RAB20: variants seen among roughly 807,000 people sequenced by gnomAD.
RAB20 encodes the protein RAB20, member RAS oncogene family.
Under a neutral mutation model 3.7 loss-of-function variants are expected in RAB20, and 2 were observed. The observed-to-expected ratio is 0.54, with a 90% CI of 0.22 to 1.69. The LOEUF is 1.69. Ranked by LOEUF, RAB20 falls within the 40% of genes most tolerant of loss-of-function variation. RAB20 has a pLI of 0.19. For synonymous variants in RAB20, 126 were observed against 130.8 expected (o/e 0.96, Z 0.25); for missense variants, 276 against 311.9 (o/e 0.88, Z 0.87).
At chr13:110,552,122 T>C (rs546278632) in intron 1 of RAB20, among the ~76,000 whole-genome samples, 1 of 152,228 alleles carries the variant, frequency 6.6e-6, no homozygotes, top group Non-Finnish European at 1.5e-5. Flanking sequence ...CTCACGCCTG[T>C]AATCCCAACA....
rs750120104 is a variant in RAB20, at chr13:110,561,371, T to C, written c.149A>G (p.Asn50Ser). The C allele has an allele frequency of 1.2e-6, 2 of 1,607,944 alleles. No individual in the cohort carries two copies. The highest frequency in any genetic ancestry group is 3.4e-5 in the Admixed American group (2 of 59,592). Residue 50 changes from asparagine (N) to serine (S), a missense_variant, in exon 1 of 2, where the codon AAC becomes AGC. Transcript: ENST00000267328. The part of the protein sequence containing the change: ...AFYLKQWRSY[N>S]ISIWDTAGRE... The stretch of plus-strand genomic sequence containing the variant: ...ACCTGCGGTGTCCCAGATGGAGATG[T>C]TGTAGGAGCGCCACTGCTTCAGGTA...
intron 1 of RAB20, among the ~76,000 whole-genome samples, chr13:110,528,924 A>G (rs1310013205): frequency 6.6e-6 from 1 of 152,260 alleles, no homozygotes; most frequent in Non-Finnish European, 1.5e-5. Context: ...TGCCCCAGCT[A>G]AAGAATTTAC....
intron 1 of RAB20, among the ~76,000 whole-genome samples, chr13:110,527,520 C>T (rs933751116): frequency 1.3e-5 from 2 of 152,168 alleles, no homozygotes; most frequent in Non-Finnish European, 2.9e-5. Flanking sequence ...CGGGTCACCT[C>T]CCTCTTCTGG....
At chr13:110,554,113 T>C (rs564304760) in intron 1 of RAB20, among the ~76,000 whole-genome samples, 15 of 152,222 alleles carry the variant, frequency 9.9e-5, no homozygotes, top group African/African-American at 3.6e-4. Flanking sequence ...AGACCTTGTC[T>C]CAAAAAAATT....
rs1371355161 is a variant in RAB20, at chr13:110,544,185, T to A, written c.172+17163A>T. On this transcript the variant is annotated intron_variant, in intron 1 of 1. Transcript: ENST00000267328. ...CCCCCAAAGGTTCTTGGCATCTTTG[T>A]CAAAGATCAACTAACAGTAAACGTG... is the stretch of plus-strand genomic sequence containing the variant. Among the ~76,000 whole-genome samples the A allele has an allele frequency of 2.0e-5, 3 of 152,324 alleles. No homozygotes were observed. The East Asian group carries it at 5.8e-4, about 29-fold the overall frequency.
chr13:110,561,211 TG>T, intron 1 of RAB20, 136 bp downstream of exon 1: 1 of 1,169,022 alleles, frequency 8.6e-7, no homozygotes, highest in Non-Finnish European at 1.1e-6. Context: ...GGAGGACGAG[TG>T]GGAAACCCCG....
intron 1 of RAB20, among the ~76,000 whole-genome samples, chr13:110,560,689 T>C (rs1885114684): frequency 6.6e-6 from 1 of 152,172 alleles, no homozygotes; most frequent in African/African-American, 2.4e-5. Flanking sequence ...TCCTCTAAGT[T>C]GTACTTTTGA....
At chr13:110,526,387 T>C (rs1349415319) in intron 1 of RAB20, among the ~76,000 whole-genome samples, 1 of 152,188 alleles carries the variant, frequency 6.6e-6, no homozygotes, top group Non-Finnish European at 1.5e-5. Flanking sequence ...TGGATTTTAA[T>C]CTCCCAAGTT....
At chr13:110,524,639 A>G (rs1006327765) in intron 1 of RAB20, among the ~76,000 whole-genome samples, 7 of 152,182 alleles carry the variant, frequency 4.6e-5, no homozygotes, top group Non-Finnish European at 1.0e-4. Context: ...AAGTGTGCCC[A>G]TGTCCCTTCA....
At chr13:110,557,583 C>T (rs1237125170) in intron 1 of RAB20, among the ~76,000 whole-genome samples, 1 of 152,252 alleles carries the variant, frequency 6.6e-6, no homozygotes, top group Non-Finnish European at 1.5e-5. Flanking sequence ...ACTATTCTGT[C>T]TGTCACAGCC....
In RAB20 at chr13:110,523,503, A is replaced by G. The variant is rs1195123914; in HGVS notation, c.*162T>C. 6 of 1,214,260 alleles carry G rather than the reference A, an allele frequency of 4.9e-6. No homozygotes were observed. Among genetic ancestry groups the G allele is most frequent in the Non-Finnish European group, 6.7e-6 (6 of 894,872 alleles). 75.2% of individuals were successfully genotyped at this position (1,214,260 alleles called of 1,614,324 possible). On this transcript the variant is annotated 3_prime_UTR_variant, in exon 2 of 2. Coordinates refer to ENST00000267328, the MANE Select transcript of RAB20 (RefSeq NM_017817.3). Reference sequence around the variant, plus strand: ...GAGACTGAGGAGACCACACACGTTGACCTCCTCTTCATAGCCAGCCATCAT... The same window carrying G: ...GAGACTGAGGAGACCACACACGTTGGCCTCCTCTTCATAGCCAGCCATCAT...
intron 1 of RAB20, among the ~76,000 whole-genome samples, chr13:110,560,536 T>C (rs945978011): frequency 2.0e-5 from 3 of 152,184 alleles, no homozygotes; most frequent in Non-Finnish European, 4.4e-5. Context: ...CTCACACTCA[T>C]TGAAAATGTG....
chr13:110,547,641 A>C (rs757353765), intron 1 of RAB20, among the ~76,000 whole-genome samples: 11 of 152,186 alleles, frequency 7.2e-5, no homozygotes, highest in South Asian at 2.1e-4. Flanking sequence ...GTCTGCCCAG[A>C]TCAGATCCCC....
In RAB20 at chr13:110,538,610, A is replaced by AG. The variant is rs1566586834; in HGVS notation, c.173-14414_173-14413insC. 7.4e-3 allele frequency among the ~76,000 whole-genome samples: 857 copies of AG among 115,564 alleles called. 15 individuals are homozygous for AG. The highest frequency in any genetic ancestry group is 0.04 in the African/African-American group (830 of 20,582). The allele number at this position is 115,564 out of a possible 152,430, so 75.8% of individuals were successfully genotyped here. On this transcript the variant is annotated intron_variant, in intron 1 of 1. Transcript: ENST00000267328. ...GAGATCTTCTCTCAAAAAAAAAAAA[A>AG]AAAAAAAAGAAAGAAAAGAAAAGAA...
intron 1 of RAB20, among the ~76,000 whole-genome samples, chr13:110,537,730 T>C (rs920244337): frequency 7.7e-6 from 1 of 129,662 alleles, no homozygotes; most frequent in Non-Finnish European, 1.6e-5. Flanking sequence ...CTGACGCCCT[T>C]GAGCCCTCAC....
chr13:110,540,374 CT>C (rs1884736205), intron 1 of RAB20, among the ~76,000 whole-genome samples: 1 of 152,242 alleles, frequency 6.6e-6, no homozygotes, highest in Admixed American at 6.5e-5. Context: ...TATTTCAGCT[CT>C]TTTCAAAGCA....
At position 110,524,146 on chromosome 13, in the gene RAB20, GCGGCCGCCCCC is replaced by G; in HGVS notation, c.213_223del (p.Gly72HisfsTer6). The G allele has an allele frequency of 6.2e-7, 1 of 1,608,238 alleles. No homozygotes were observed. Among genetic ancestry groups the G allele is most frequent in the Admixed American group, 1.7e-5 (1 of 60,008 alleles). On this transcript the variant is annotated frameshift_variant, in exon 2 of 2. Coordinates refer to ENST00000267328, the MANE Select transcript of RAB20 (RefSeq NM_017817.3). LOFTEE classifies it low-confidence loss of function (END_TRUNC). ...ATTCACATCATAGGTGAGGATGATG[GCGGCCGCCCCC>G]CGGCAGTACATGGAGCCCAGGCCGT...
At chr13:110,533,229 G>T (rs1206340488) in intron 1 of RAB20, among the ~76,000 whole-genome samples, 1 of 152,214 alleles carries the variant, frequency 6.6e-6, no homozygotes, top group Non-Finnish European at 1.5e-5. Context: ...GTGTTTGCAG[G>T]TTGCATCCAC....
chr13:110,553,681 T>C (rs1444806099), intron 1 of RAB20, among the ~76,000 whole-genome samples: 1 of 152,234 alleles, frequency 6.6e-6, no homozygotes, highest in Non-Finnish European at 1.5e-5. Flanking sequence ...AGAAAGACCA[T>C]GTGATTGACC....
Sources: gnomAD v4.1 joint callset for allele counts (sites outside exome capture counted in the v4.1 genomes callset) on GRCh38, gnomAD v4.1.1 for gene constraint, MANE v1.5 for transcripts, NCBI Gene and HGNC (gene_info 2026-07-23, HGNC 2026-07-21) for gene names.